The following DEPDC5 variants were observed in gnomAD, a reference collection of about 807,000 sequenced individuals.
DEPDC5 encodes DEP domain containing 5, GATOR1 subcomplex subunit.
DEPDC5 carries 73 observed loss-of-function variants against 217.3 expected under a neutral mutation model. The ratio of observed to expected loss-of-function variants is 0.34; its 90% CI spans 0.28 to 0.41. The LOEUF (loss-of-function observed/expected upper bound fraction) is 0.41, where lower values mean the gene tolerates loss of function less well. Ranked by LOEUF, DEPDC5 falls within the 10% of genes least tolerant of loss-of-function variation. The pLI is 1.00. For missense variants in DEPDC5, 1,675 were observed against 2,070.1 expected (o/e 0.81, Z 3.70); for synonymous variants, 733 against 756.7 (o/e 0.97, Z 0.51).
At chr22:31,905,152 CAGGGAAGCAG>C (rs1263128462) in intron 41 of DEPDC5, among the ~76,000 whole-genome samples, 2 of 152,046 alleles carry the variant, frequency 1.3e-5, no homozygotes, top group Non-Finnish European at 2.9e-5. Context: ...TTCCAGAGCA[CAGGGAAGCAG>C]AGAGCCCCAG....
chr22:31,857,600 C>T, intron 32 of DEPDC5, 47 bp downstream of exon 32: 1 of 1,505,254 alleles, frequency 6.6e-7, no homozygotes, highest in South Asian at 1.2e-5. Context: ...CTCTCAGAGA[C>T]TCAGTGTGGA....
chr22:31,812,135 T>C (rs1287390771), intron 20 of DEPDC5, among the ~76,000 whole-genome samples: 2 of 151,282 alleles, frequency 1.3e-5, no homozygotes. Flanking sequence ...ACTACAGGCA[T>C]GCACCACCAC....
chr22:31,845,929 T>A (rs565925265), intron 30 of DEPDC5, among the ~76,000 whole-genome samples: 1 of 151,738 alleles, frequency 6.6e-6, no homozygotes, highest in Admixed American at 6.6e-5. Flanking sequence ...GGCATGATCA[T>A]GGCTCACTGC....
In DEPDC5 at chr22:31,874,268, C is replaced by T; in HGVS notation, c.3564-5C>T. On this transcript the variant is annotated splice_polypyrimidine_tract_variant and splice_region_variant and intron_variant, in intron 35 of 42. Coordinates refer to ENST00000651528, the MANE Select transcript of DEPDC5 (RefSeq NM_001242896.3). ...CTGCTCCCCGTTCACCGTGTTGGAA[C>T]CCAGGACAGGAGTCCAGCTGCTCTC... is the stretch of plus-strand genomic sequence containing the variant. 6.2e-7 allele frequency: 1 copy of T among 1,605,762 alleles called. No individual in the cohort carries two copies. Among genetic ancestry groups the T allele is most frequent in the Non-Finnish European group, 8.5e-7 (1 of 1,175,872 alleles).
intron 38 of DEPDC5, among the ~76,000 whole-genome samples, chr22:31,885,379 C>T (rs1043670759): frequency 1.3e-5 from 2 of 152,190 alleles, no homozygotes; most frequent in East Asian, 1.9e-4. Context: ...GCACTGTTCC[C>T]CAAAGATACC....
At chr22:31,892,218 G>A (rs1445865141) in intron 38 of DEPDC5, among the ~76,000 whole-genome samples, 1 of 152,204 alleles carries the variant, frequency 6.6e-6, no homozygotes, top group African/African-American at 2.4e-5. Context: ...CTTGGCCAAG[G>A]CATCTTCCCT....
Position 31,876,208 on chromosome 22 carries a change from A to T in DEPDC5, c.3748A>T (p.Thr1250Ser), listed in dbSNP as rs1231712361. ...ITHASGEAWR[T>S]FIYGFYFYKI... ...ACATGCATCTGGCGAAGCCTGGCGG[A>T]CCTTCATCTACGGCTTCTATTTCTA... Residue 1250 changes from threonine (T) to serine (S), a missense_variant, in exon 37 of 43, where the codon ACC becomes TCC. By Grantham distance (58) the Thr-to-Ser change is moderately conservative (BLOSUM62 1). Transcript: ENST00000651528. 6.2e-7 allele frequency: 1 copy of T among 1,614,088 alleles called. No homozygotes were observed. The highest frequency in any genetic ancestry group is 8.5e-7 in the Non-Finnish European group (1 of 1,180,012).
chr22:31,867,241 T>C (rs939452135), intron 33 of DEPDC5, among the ~76,000 whole-genome samples: 1 of 152,098 alleles, frequency 6.6e-6, no homozygotes, highest in Non-Finnish European at 1.5e-5. Context: ...TGGAAGTAAA[T>C]GCAACCCCTA....
intron 10 of DEPDC5, 67 bp downstream of exon 10, chr22:31,784,942 C>T: frequency 6.9e-7 from 1 of 1,453,954 alleles, no homozygotes; most frequent in South Asian, 1.2e-5. Context: ...TTAAAATGCA[C>T]TGTTTTTATT....
At chr22:31,832,239 A>C (rs2090657085) in intron 24 of DEPDC5, among the ~76,000 whole-genome samples, 1 of 152,220 alleles carries the variant, frequency 6.6e-6, no homozygotes, top group African/African-American at 2.4e-5. Flanking sequence ...AAATGTTTAC[A>C]TGATTTTATA....
chr22:31,870,611 ACTC>A lies in DEPDC5; in HGVS notation c.3355_3357del (p.Pro1119del). On this transcript the variant is annotated inframe_deletion, in exon 34 of 43. Transcript: ENST00000651528. ...GCAGGTATCTGTGGACCAAACAGCCACTCCTATGTTGGACGGCACCAGTTTGGG... is the reference window on the plus strand; with the variant it reads ...GCAGGTATCTGTGGACCAAACAGCCACTATGTTGGACGGCACCAGTTTGGG... 6.5e-7 allele frequency: 1 copy of A among 1,546,448 alleles called. No homozygotes were observed. Among genetic ancestry groups the A allele is most frequent in the African/African-American group, 1.4e-5 (1 of 71,772 alleles).
chr22:31,874,136 G>A, intron 35 of DEPDC5, 137 bp from the exon 36 acceptor site: 1 of 1,338,260 alleles, frequency 7.5e-7, no homozygotes, highest in Non-Finnish European at 1.0e-6. Flanking sequence ...GTTTCTCTGA[G>A]TCTAGGAATA....
intron 2 of DEPDC5, chr22:31,757,599 G>A (rs778186007): frequency 6.6e-6 from 1 of 152,106 alleles, no homozygotes; most frequent in South Asian, 2.1e-4. Flanking sequence ...AAACTTAATT[G>A]TCATGATATT....
Position 31,843,208 on chromosome 22 carries a change from C to T in DEPDC5, c.2629C>T (p.Pro877Ser). 4 of 1,612,600 alleles carry T rather than the reference C, an allele frequency of 2.5e-6. No individual in the cohort carries two copies. In the South Asian group the frequency reaches 3.3e-5, roughly 13 times the overall value. The change falls in exon 28 of 43, where the codon CCC (proline) becomes TCC (serine). Residue 877 changes from proline (P) to serine (S), a missense_variant. Physicochemically the swap from Pro to Ser is moderately conservative, Grantham distance 74 (BLOSUM62 -1). Transcript: ENST00000651528. ...DKMITVTRYL[P>S]KYPYESAQIH... is the part of the protein sequence containing the mutation. ...GATGATCACAGTGACGCGATACCTT[C>T]CCAAGTGAGTATTTGGATATTTAAA...
rs886039256 is a variant in DEPDC5 at position 31,798,628 on chromosome 22, C to T, written c.918C>T (p.Tyr306=). Residue 306 remains tyrosine (Y), a synonymous_variant, in exon 14 of 43, where the codon TAC becomes TAT. Coordinates refer to ENST00000651528, the MANE Select transcript of DEPDC5 (RefSeq NM_001242896.3). ...GDNSTSAQGN[Y]LEAINLSFNV... ...ATTCTACCTCAGCACAAGGAAACTA[C>T]CTGGAGGCCATCAATCTGTCATTCA... 6.2e-7 allele frequency: 1 copy of T among 1,611,756 alleles called. No homozygotes were observed. The highest frequency in any genetic ancestry group is 8.5e-7 in the Non-Finnish European group (1 of 1,178,540).
chr22:31,796,005 C>T (rs905756305), intron 12 of DEPDC5, among the ~76,000 whole-genome samples: 3 of 152,114 alleles, frequency 2.0e-5, no homozygotes, highest in Admixed American at 1.3e-4. Flanking sequence ...GCTGGGATTA[C>T]AGGCGTGAGC....
chr22:31,893,578 A>G lies in DEPDC5; in HGVS notation c.4034-4A>G, dbSNP rs2093485743. On this transcript the variant is annotated splice_polypyrimidine_tract_variant and splice_region_variant and intron_variant, in intron 38 of 42. Transcript: ENST00000651528. Reference sequence around the variant, plus strand: ...CTTGGGGCCCCTCCTGTGTGCTGACATAGCTGCCACTGTCCCAGAGCAGAG... The same window carrying G: ...CTTGGGGCCCCTCCTGTGTGCTGACGTAGCTGCCACTGTCCCAGAGCAGAG... 1 of 1,585,422 alleles carries G rather than the reference A, an allele frequency of 6.3e-7. No homozygotes were observed. Among genetic ancestry groups the G allele is most frequent in the Non-Finnish European group, 8.6e-7 (1 of 1,168,146 alleles).
chr22:31,907,547 C>T lies in DEPDC5; in HGVS notation c.*1050C>T, dbSNP rs1390926168. On this transcript the variant is annotated 3_prime_UTR_variant, in exon 43 of 43. Transcript: ENST00000651528. ...GGATTACAGGCACCTGCCACCATACCAGGCTAATTTTTTGTATTTTAAGTA... is the reference window on the plus strand; with the variant it reads ...GGATTACAGGCACCTGCCACCATACTAGGCTAATTTTTTGTATTTTAAGTA... The T allele has an allele frequency of 6.6e-6, 1 of 152,148 alleles. No individual in the cohort carries two copies. The highest frequency in any genetic ancestry group is 2.4e-5 in the African/African-American group (1 of 41,414). The allele number at this position is 152,148 out of a possible 1,614,324, so 9.4% of individuals were successfully genotyped here.
chr22:31,882,920 G>A (rs954619895), intron 38 of DEPDC5, among the ~76,000 whole-genome samples: 1 of 151,884 alleles, frequency 6.6e-6, no homozygotes, highest in Non-Finnish European at 1.5e-5. Context: ...CATTACGCCC[G>A]GCCTGTTCTT....
Sources: allele counts gnomAD v4.1 joint callset (sites outside exome capture counted in the v4.1 genomes callset), GRCh38; gene constraint gnomAD v4.1.1; transcripts MANE v1.5; gene names NCBI Gene and HGNC (gene_info 2026-07-23, HGNC 2026-07-21).